Variants in IPCEF1 observed in about 807,000 individuals in gnomAD.
The protein encoded by IPCEF1 is interaction protein for cytohesin exchange factors 1, also known as interactor protein for cytohesin exchange factors 1.
IPCEF1 carries 31 observed loss-of-function variants against 50.9 expected under a neutral mutation model. The observed-to-expected ratio is 0.61, with a 90% confidence interval of 0.46 to 0.82. The LOEUF is 0.82. Among genes scored for constraint, IPCEF1 ranks in the 40% least tolerant of loss-of-function variants. The pLI is 0.00. For synonymous variants in IPCEF1, 181 were observed against 192.0 expected, an observed-to-expected ratio of 0.94 and a Z score of 0.47; for missense variants, 458 against 514.0, an observed-to-expected ratio of 0.89 and a Z score of 1.05.
intron 1 of IPCEF1, among the ~76,000 whole-genome samples, chr6:154,336,967 A>G (rs181977916): frequency 6.6e-6 from 1 of 152,326 alleles, no homozygotes; most frequent in African/African-American, 2.4e-5. Context: ...ACATTGCATT[A>G]TATATTTCAA....
intron 10 of IPCEF1, among the ~76,000 whole-genome samples, chr6:154,194,721 T>C (rs1776445399): frequency 6.6e-6 from 1 of 152,198 alleles, no homozygotes; most frequent in African/African-American, 2.4e-5. Flanking sequence ...CTAAGTACTA[T>C]GAATGGCCTA....
intron 1 of IPCEF1, among the ~76,000 whole-genome samples, chr6:154,304,511 A>T (rs930658379): frequency 6.6e-6 from 1 of 152,198 alleles, no homozygotes; most frequent in Non-Finnish European, 1.5e-5. Flanking sequence ...CACTTAGGAC[A>T]CTAGTAAACA....
intron 9 of IPCEF1, 105 bp downstream of exon 9, chr6:154,212,665 G>T: frequency 2.8e-6 from 2 of 724,402 alleles, no homozygotes; most frequent in Non-Finnish European, 4.7e-6. Context: ...TCTTAATTTA[G>T]CCCATTCTAA....
At chr6:154,303,497 T>C (rs1782851761) in intron 1 of IPCEF1, among the ~76,000 whole-genome samples, 1 of 152,216 alleles carries the variant, frequency 6.6e-6, no homozygotes, top group Admixed American at 6.5e-5. Flanking sequence ...TTTAACGACA[T>C]AATACAGGAC....
At chr6:154,265,105 C>T (rs1037467049) in intron 3 of IPCEF1, among the ~76,000 whole-genome samples, 3 of 152,172 alleles carry the variant, frequency 2.0e-5, no homozygotes, top group African/African-American at 7.2e-5. Flanking sequence ...CGACACTCCC[C>T]ACAGTCCCTT....
chr6:154,247,475 C>G lies in IPCEF1; in HGVS notation c.50G>C (p.Arg17Pro), dbSNP rs146164699. 8.1e-6 allele frequency: 13 copies of G among 1,611,530 alleles called. No individual in the cohort carries two copies. In the Admixed American group the frequency reaches 1.3e-4, roughly 17 times the overall value. ...IDGSALQVPLRQKPRRKTQGF... is the reference protein window; with the variant it reads ...IDGSALQVPLPQKPRRKTQGF... Reference sequence around the variant, plus strand: ...TTGAGTTTTCCTCCTGGGCTTCTGACGCAAGGGAACCTGCTGAAAATGCAG... The same window carrying G: ...TTGAGTTTTCCTCCTGGGCTTCTGAGGCAAGGGAACCTGCTGAAAATGCAG... Residue 17 changes from arginine (R) to proline (P), a missense_variant, in exon 4 of 12, where the codon CGT becomes CCT. Physicochemically the swap from Arg to Pro is moderately radical, Grantham distance 103. Transcript: ENST00000367220.
At chr6:154,192,644 G>A (rs1240309435) in intron 10 of IPCEF1, among the ~76,000 whole-genome samples, 6 of 97,036 alleles carry the variant, frequency 6.2e-5, no homozygotes, top group Admixed American at 5.1e-4. Context: ...GAATCTACAA[G>A]GAACACAAAC....
chr6:154,201,755 C>T (rs1777089287), intron 9 of IPCEF1, among the ~76,000 whole-genome samples: 1 of 152,154 alleles, frequency 6.6e-6, no homozygotes, highest in African/African-American at 2.4e-5. Flanking sequence ...ATTAGCAGGA[C>T]ATGGTGGCTC....
intron 5 of IPCEF1, among the ~76,000 whole-genome samples, chr6:154,240,174 A>C (rs1024969740): frequency 3.9e-5 from 6 of 152,254 alleles, no homozygotes; most frequent in Non-Finnish European, 8.8e-5. Flanking sequence ...TAATTAGTTA[A>C]TTCATACAAC....
intron 1 of IPCEF1, among the ~76,000 whole-genome samples, chr6:154,322,151 G>A (rs1293931): frequency 0.29 from 44,317 of 151,956 alleles, 6,837 homozygotes; most frequent in Non-Finnish European, 0.34. Context: ...AAACATTTAC[G>A]ATTAAAAACT....
Position 154,154,646 on chromosome 6 carries a change from A to G in IPCEF1, c.*5182T>C, listed in dbSNP as rs1360650940. 1 of 152,292 alleles carries G rather than the reference A, an allele frequency of 6.6e-6. No individual in the cohort carries two copies. The highest frequency in any genetic ancestry group is 1.5e-5 in the Non-Finnish European group (1 of 68,046). 9.4% of individuals were successfully genotyped at this position (152,292 alleles called of 1,614,324 possible). A position where few individuals can be genotyped will look rare whatever the true frequency, so the allele number is the denominator to read the frequency against. On this transcript the variant is annotated 3_prime_UTR_variant, in exon 12 of 12. Coordinates refer to ENST00000367220, the MANE Select transcript of IPCEF1 (RefSeq NM_001130700.2). Reference sequence around the variant, plus strand: ...AGCCACATGTTTATTTCTTTGAGAAAGCAACACTGCAGGACAAAAATGAAC... The same window carrying G: ...AGCCACATGTTTATTTCTTTGAGAAGGCAACACTGCAGGACAAAAATGAAC...
chr6:154,325,404 G>A (rs547521537), intron 1 of IPCEF1, among the ~76,000 whole-genome samples: 1 of 152,316 alleles, frequency 6.6e-6, no homozygotes, highest in South Asian at 2.1e-4. Context: ...TGCTTCTGGG[G>A]AAGAGAACTA....
chr6:154,272,924 T>G (rs1230550955), intron 2 of IPCEF1, among the ~76,000 whole-genome samples: 1 of 152,236 alleles, frequency 6.6e-6, no homozygotes, highest in Non-Finnish European at 1.5e-5. Flanking sequence ...ATTCAACTGA[T>G]GCAAAGGTAA....
chr6:154,167,314 T>C (rs1799520347), intron 11 of IPCEF1, among the ~76,000 whole-genome samples: 1 of 152,190 alleles, frequency 6.6e-6, no homozygotes, highest in Non-Finnish European at 1.5e-5. Context: ...CTTCAGTACT[T>C]CCTGTACACT....
intron 2 of IPCEF1, among the ~76,000 whole-genome samples, chr6:154,273,722 T>G (rs1781961533): frequency 7.3e-6 from 1 of 136,154 alleles, no homozygotes. Context: ...CTTTCTTTCT[T>G]TCTTTTTTTT....
chr6:154,215,066 T>G (rs1778277960), intron 7 of IPCEF1, among the ~76,000 whole-genome samples: 1 of 152,222 alleles, frequency 6.6e-6, no homozygotes, highest in Admixed American at 6.5e-5. Context: ...GGATCTTGCT[T>G]ATTTCTGTAC....
intron 10 of IPCEF1, among the ~76,000 whole-genome samples, chr6:154,173,494 A>C (rs1337427184): frequency 6.6e-6 from 1 of 152,232 alleles, no homozygotes; most frequent in African/African-American, 2.4e-5. Flanking sequence ...TTTGGTGCTG[A>C]AAACCACAGT....
chr6:154,336,003 T>A (rs1311097040), intron 1 of IPCEF1, among the ~76,000 whole-genome samples: 1 of 152,176 alleles, frequency 6.6e-6, no homozygotes, highest in Non-Finnish European at 1.5e-5. Context: ...TGGCTATTAT[T>A]TAAAAAACAA....
intron 1 of IPCEF1, among the ~76,000 whole-genome samples, chr6:154,342,642 G>A (rs1207795700): frequency 6.6e-6 from 1 of 152,068 alleles, no homozygotes; most frequent in Non-Finnish European, 1.5e-5. Flanking sequence ...GGAGGGGGAG[G>A]CAGGCAAGGC....
Sources: allele counts gnomAD v4.1 joint callset (sites outside exome capture counted in the v4.1 genomes callset), GRCh38; gene constraint gnomAD v4.1.1; transcripts MANE v1.5; gene names NCBI Gene and HGNC (gene_info 2026-07-23, HGNC 2026-07-21).